Variants in ROBO2 observed in about 807,000 individuals in gnomAD.
The protein encoded by ROBO2 is roundabout guidance receptor 2, also known as roundabout homolog 2.
Under a neutral mutation model 160.8 loss-of-function variants are expected in ROBO2, and 53 were observed. The ratio of observed to expected loss-of-function variants is 0.33; its 90% CI spans 0.26 to 0.41. The LOEUF is 0.41. ROBO2 is among the 10% of genes least tolerant of loss of function. The probability of loss-of-function intolerance (pLI) is 1.00; values close to 1 mark genes in which losing one functional copy is unlikely to be tolerated. For synonymous variants in ROBO2, 664 were observed against 611.7 expected, an observed-to-expected ratio of 1.09 and a Z score of -1.26; for missense variants, 1,577 against 1,722.4, an observed-to-expected ratio of 0.92 and a Z score of 1.49.
At chr3:77,020,683 C>A (rs112901126) in intron 2 of ROBO2, among the ~76,000 whole-genome samples, 295 of 152,136 alleles carry the variant, frequency 1.9e-3, no homozygotes, top group Non-Finnish European at 3.6e-3. Flanking sequence ...CATTAGAAAG[C>A]TTTATTTTTC....
intron 2 of ROBO2, among the ~76,000 whole-genome samples, chr3:76,234,197 C>T (rs911783976): frequency 3.3e-5 from 5 of 152,116 alleles, no homozygotes; most frequent in South Asian, 2.1e-4. Flanking sequence ...ATATGTACCA[C>T]GTTTTTAAAT....
intron 2 of ROBO2, among the ~76,000 whole-genome samples, chr3:77,214,340 T>A (rs2084624382): frequency 6.6e-6 from 1 of 152,204 alleles, no homozygotes; most frequent in Admixed American, 6.5e-5. Context: ...GTAATGGCCT[T>A]CTTTGTCTCT....
rs370352569 is a variant in ROBO2, at chr3:77,293,242, A to G, written c.389-184172A>G. Among the ~76,000 whole-genome samples the G allele has an allele frequency of 2.8e-4, 43 of 151,856 alleles. No homozygotes were observed. In the East Asian group the frequency reaches 2.9e-3, roughly 10 times the overall value. ...TGAGGCTAGATCACCCCAGACATAA[A>G]GTAAAATTGACGGTTATACAGGTAA... On this transcript the variant is annotated intron_variant, in intron 2 of 25. Coordinates refer to ENST00000461745, the Ensembl canonical transcript of ROBO2.
intron 2 of ROBO2, among the ~76,000 whole-genome samples, chr3:77,151,917 C>T (rs925137400): frequency 6.6e-6 from 1 of 152,046 alleles, no homozygotes; most frequent in African/African-American, 2.4e-5. Context: ...TAAATTCTAT[C>T]CTTTAGATTT....
At chr3:75,935,354 A>G (rs1947722571) in intron 1 of ROBO2, among the ~76,000 whole-genome samples, 1 of 152,054 alleles carries the variant, frequency 6.6e-6, no homozygotes, top group African/African-American at 2.4e-5. Flanking sequence ...CCCTATCTCT[A>G]TAAAAAAATT....
chr3:76,992,736 G>C (rs1176276336), intron 2 of ROBO2, among the ~76,000 whole-genome samples: 1 of 151,966 alleles, frequency 6.6e-6, no homozygotes, highest in Non-Finnish European at 1.5e-5. Flanking sequence ...ACAAGAAATG[G>C]TATAGCTTGA....
rs140606166 is a variant in ROBO2 at position 77,538,367 on chromosome 3, C to A, written c.935-7971C>A. On this transcript the variant is annotated intron_variant, in intron 6 of 25. Transcript: ENST00000461745. ...TAATTTTTTGTATTTTTAGTAGAGA[C>A]GGGGTTTCACTGTGTTAGCCAGGAT... Among the ~76,000 whole-genome samples, 384 of 151,678 alleles carry A rather than the reference C, an allele frequency of 2.5e-3. 1 individual carries two copies. The highest frequency in any genetic ancestry group is 8.8e-3 in the African/African-American group (365 of 41,410).
intron 2 of ROBO2, among the ~76,000 whole-genome samples, chr3:75,953,826 A>G (rs999891503): frequency 6.6e-6 from 1 of 151,940 alleles, no homozygotes; most frequent in African/African-American, 2.4e-5. Context: ...ATAGACATCA[A>G]TTTCACAATA....
At chr3:76,260,309 G>A (rs933013826) in intron 2 of ROBO2, among the ~76,000 whole-genome samples, 14 of 152,040 alleles carry the variant, frequency 9.2e-5, no homozygotes, top group Admixed American at 8.5e-4. Context: ...ATGTTGTTTA[G>A]TATGGGAGGT....
intron 2 of ROBO2, among the ~76,000 whole-genome samples, chr3:77,178,918 C>T (rs984605610): frequency 5.9e-5 from 9 of 152,074 alleles, no homozygotes; most frequent in East Asian, 1.9e-4. Flanking sequence ...TAGTCTTACT[C>T]GAGGCAGTTG....
chr3:76,063,353 T>G (rs954769028), intron 2 of ROBO2, among the ~76,000 whole-genome samples: 2 of 151,070 alleles, frequency 1.3e-5, no homozygotes, highest in African/African-American at 4.9e-5. Context: ...CTTTTTTTTT[T>G]TTTTTTTGAG....
At chr3:76,716,420 G>T (rs953960188) in intron 2 of ROBO2, among the ~76,000 whole-genome samples, 8 of 152,052 alleles carry the variant, frequency 5.3e-5, no homozygotes, top group African/African-American at 1.9e-4. Flanking sequence ...ACAGGTAATA[G>T]ATGTAGTTCT....
chr3:77,040,830 A>G (rs2064005836), exon 1 of ROBO2: 1 of 1,613,750 alleles, frequency 6.2e-7, no homozygotes, highest in Non-Finnish European at 8.5e-7. Flanking sequence ...GTGGATTTTT[A>G]TATGTTCGGG....
intron 2 of ROBO2, among the ~76,000 whole-genome samples, chr3:77,025,769 G>A (rs931058555): frequency 5.3e-5 from 8 of 152,120 alleles, no homozygotes. Context: ...AGCACTTACT[G>A]AAGATACCCA....
chr3:77,173,766 G>C (rs1355540771), intron 2 of ROBO2, among the ~76,000 whole-genome samples: 1 of 151,946 alleles, frequency 6.6e-6, no homozygotes, highest in Non-Finnish European at 1.5e-5. Context: ...TCTTGTTTCT[G>C]AAAATGTTAT....
At chr3:76,409,967 A>T (rs189709644) in intron 2 of ROBO2, among the ~76,000 whole-genome samples, 1 of 152,108 alleles carries the variant, frequency 6.6e-6, no homozygotes, top group Non-Finnish European at 1.5e-5. Context: ...TGCTCATTTT[A>T]TATCAATTTC....
Position 76,957,377 on chromosome 3 carries a change from A to G in ROBO2, c.110-140637A>G, listed in dbSNP as rs549187058. ...TTTAAAAGAAATTAAATAGGAGAAT[A>G]CCTATTAGATATTTTGCTAGGACTT... On this transcript the variant is annotated intron_variant, in intron 2 of 26. Transcript: ENST00000487694. 2.6e-5 allele frequency among the ~76,000 whole-genome samples: 4 copies of G among 152,246 alleles called. No individual in the cohort carries two copies. In the South Asian group the frequency reaches 8.3e-4, roughly 32 times the overall value.
At chr3:76,435,632 G>A (rs1249163755) in intron 2 of ROBO2, among the ~76,000 whole-genome samples, 1 of 152,134 alleles carries the variant, frequency 6.6e-6, no homozygotes, top group Non-Finnish European at 1.5e-5. Context: ...TCTGCAGGAA[G>A]GTGCAGCTTT....
chr3:77,584,945 T>C (rs188791986), intron 16 of ROBO2, among the ~76,000 whole-genome samples: 57 of 148,966 alleles, frequency 3.8e-4, no homozygotes, highest in South Asian at 2.3e-3. Context: ...TATATATATA[T>C]ACACACACAC....
Sources: gnomAD v4.1 joint callset for allele counts (sites outside exome capture counted in the v4.1 genomes callset) on GRCh38, gnomAD v4.1.1 for gene constraint, MANE v1.5 for transcripts, NCBI Gene and HGNC (gene_info 2026-07-23, HGNC 2026-07-21) for gene names.